Variants in TNFAIP8L3 observed in about 807,000 individuals in gnomAD.
TNFAIP8L3 encodes TNF alpha induced protein 8 like 3.
Under a neutral mutation model 11.8 loss-of-function variants are expected in TNFAIP8L3, and 7 were observed. That is an observed-to-expected ratio of 0.59 (90% CI 0.34 to 1.11). TNFAIP8L3 has a LOEUF of 1.11. Ranked by LOEUF, TNFAIP8L3 falls within the 50% of genes most tolerant of loss-of-function variation. The pLI is 0.03. For synonymous variants in TNFAIP8L3, 98 were observed against 103.8 expected, an observed-to-expected ratio of 0.94 and a Z score of 0.34; for missense variants, 219 against 258.6, an observed-to-expected ratio of 0.85 and a Z score of 1.05.
intron 1 of TNFAIP8L3, among the ~76,000 whole-genome samples, chr15:51,060,660 G>A (rs56367647): frequency 6.6e-6 from 1 of 152,328 alleles, no homozygotes; most frequent in Non-Finnish European, 1.5e-5. Flanking sequence ...TCGGCTGAGC[G>A]AAGGGAGTGC....
chr15:51,094,815 G>C lies in TNFAIP8L3; in HGVS notation c.-220C>G, dbSNP rs1595620898. 3.3e-6 allele frequency: 2 copies of C among 604,338 alleles called. No individual in the cohort carries two copies. Among genetic ancestry groups the C allele is most frequent in the Non-Finnish European group, 4.1e-6 (2 of 483,770 alleles). 37.4% of individuals were successfully genotyped at this position (604,338 alleles called of 1,614,324 possible). ...CGCCCGCCGGCCGGTGCCTGCGCGC[G>C]AGGCGAGCGCAGGGCGGAGGGTGGG... On this transcript the variant is annotated 5_prime_UTR_variant, in exon 1 of 2. Coordinates refer to ENST00000637513, the MANE Select transcript of TNFAIP8L3 (RefSeq NM_001311175.2). This position sits in a 1 kb window ranked among gnomAD's most constrained non-coding sequence, Gnocchi z 4.4.
At chr15:51,070,260 T>C (rs1445976533) in intron 1 of TNFAIP8L3, among the ~76,000 whole-genome samples, 1 of 152,214 alleles carries the variant, frequency 6.6e-6, no homozygotes, top group Non-Finnish European at 1.5e-5. Context: ...GAGATATTTT[T>C]GGCTCACTGC....
chr15:51,093,832 G>A (rs933757379), intron 1 of TNFAIP8L3, among the ~76,000 whole-genome samples: 1 of 152,160 alleles, frequency 6.6e-6, no homozygotes, highest in Non-Finnish European at 1.5e-5. Context: ...GGCGGGGGAG[G>A]ACATTCATTT....
chr15:51,062,957 A>AC (rs1223112228), intron 1 of TNFAIP8L3, among the ~76,000 whole-genome samples: 1 of 152,130 alleles, frequency 6.6e-6, no homozygotes. Flanking sequence ...GTGATGATGA[A>AC]AACAGAGGTT....
In TNFAIP8L3 at chr15:51,056,903, T is replaced by A. The variant is rs1006312205; in HGVS notation, c.*978A>T. 6 of 150,462 alleles carry A rather than the reference T, an allele frequency of 4.0e-5. No homozygotes were observed. The highest frequency in any genetic ancestry group is 6.6e-5 in the Admixed American group (1 of 15,154). The allele number at this position is 150,462 out of a possible 1,614,324, so 9.3% of individuals were successfully genotyped here. On this transcript the variant is annotated 3_prime_UTR_variant, in exon 2 of 2. Transcript: ENST00000637513. ...TCAAAAACACCTCTTTTTAAAAAAA[T>A]TATTATTATTATTATTATTTTTTAG...
intron 1 of TNFAIP8L3, among the ~76,000 whole-genome samples, chr15:51,060,246 T>A (rs1216004783): frequency 1.3e-5 from 2 of 152,248 alleles, no homozygotes; most frequent in Non-Finnish European, 2.9e-5. Context: ...ATCAAAGTTG[T>A]TCTCCAAAAG....
At chr15:51,101,966 A>G (rs985164267) in intron 1 of TNFAIP8L3, among the ~76,000 whole-genome samples, 1 of 149,228 alleles carries the variant, frequency 6.7e-6, no homozygotes, top group African/African-American at 2.5e-5. Context: ...AAAAAAAAAG[A>G]AAAGAAAAAG....
At chr15:51,081,069 T>A (rs2065388389) in intron 1 of TNFAIP8L3, among the ~76,000 whole-genome samples, 1 of 152,356 alleles carries the variant, frequency 6.6e-6, no homozygotes. Flanking sequence ...AGATTTTTGC[T>A]TCGTGACTTA....
chr15:51,103,821 G>A (rs2065570562), intron 1 of TNFAIP8L3, among the ~76,000 whole-genome samples: 1 of 152,214 alleles, frequency 6.6e-6, no homozygotes, highest in African/African-American at 2.4e-5. Flanking sequence ...AAATTCGTAA[G>A]TCCAAGGATC....
intron 1 of TNFAIP8L3, among the ~76,000 whole-genome samples, chr15:51,093,006 T>A (rs1369107464): frequency 6.6e-6 from 1 of 152,188 alleles, no homozygotes; most frequent in Non-Finnish European, 1.5e-5. Context: ...AGGGTCAATG[T>A]CCCCTTCCCG....
rs143724237 is a variant in TNFAIP8L3 at position 51,077,474 on chromosome 15, G to T, written c.52+17070C>A. Reference sequence around the variant, plus strand: ...CTCCCTAAGCCAAGCACGCCCTGCTGCCCACCCCGCTCCCATCTTATGCAA... The same window carrying T: ...CTCCCTAAGCCAAGCACGCCCTGCTTCCCACCCCGCTCCCATCTTATGCAA... On this transcript the variant is annotated intron_variant, in intron 1 of 1. Coordinates refer to ENST00000637513, the MANE Select transcript of TNFAIP8L3 (RefSeq NM_001311175.2). Among the ~76,000 whole-genome samples, 371 of 152,296 alleles carry T rather than the reference G, an allele frequency of 2.4e-3. 1 individual carries two copies. The highest frequency in any genetic ancestry group is 8.6e-3 in the African/African-American group (358 of 41,554).
intron 1 of TNFAIP8L3, among the ~76,000 whole-genome samples, chr15:51,101,554 G>C (rs1187977403): frequency 1.3e-5 from 2 of 151,812 alleles, no homozygotes; most frequent in African/African-American, 4.8e-5. Context: ...CCGGGAGGTT[G>C]AGGTTGCAGT....
intron 1 of TNFAIP8L3, among the ~76,000 whole-genome samples, chr15:51,064,347 G>C (rs2065257203): frequency 1.3e-5 from 2 of 152,134 alleles, no homozygotes; most frequent in African/African-American, 4.8e-5. Context: ...ATATATCATG[G>C]TTTGCTTTTG....
At chr15:51,083,903 G>A (rs78152882) in intron 1 of TNFAIP8L3, among the ~76,000 whole-genome samples, 4,260 of 152,342 alleles carry the variant, frequency 0.028, 70 homozygotes, top group Non-Finnish European at 0.038. Flanking sequence ...GGGAGAGGAC[G>A]GAGGGGCCTG....
chr15:51,082,825 T>C (rs1206220402), intron 1 of TNFAIP8L3, among the ~76,000 whole-genome samples: 1 of 152,164 alleles, frequency 6.6e-6, no homozygotes, highest in Non-Finnish European at 1.5e-5. Flanking sequence ...CGTCAAAACA[T>C]CATCAGGTGC....
At chr15:51,063,209 T>TAAA (rs1432094598) in intron 1 of TNFAIP8L3, among the ~76,000 whole-genome samples, 1 of 152,254 alleles carries the variant, frequency 6.6e-6, no homozygotes, top group East Asian at 1.9e-4. Flanking sequence ...GGTAATTTGT[T>TAAA]ACAGCAGCAA....
upstream of TNFAIP8L3, among the ~76,000 whole-genome samples, chr15:51,099,864 T>A (rs1397389390): frequency 6.6e-6 from 1 of 152,192 alleles, no homozygotes; most frequent in Non-Finnish European, 1.5e-5. Flanking sequence ...TTCAGGATGA[T>A]AGGAAAGTAC....
At chr15:51,087,065 T>A (rs2065433806) in intron 1 of TNFAIP8L3, among the ~76,000 whole-genome samples, 1 of 152,098 alleles carries the variant, frequency 6.6e-6, no homozygotes, top group Non-Finnish European at 1.5e-5. Context: ...ATTTTTGTAT[T>A]TTTAGTAGAG....
chr15:51,079,855 C>CAAAAAAAAAAAAAAAAAAAAAAAA (rs10602536), intron 1 of TNFAIP8L3, among the ~76,000 whole-genome samples: 1 of 77,624 alleles, frequency 1.3e-5, no homozygotes, highest in Non-Finnish European at 2.4e-5. Flanking sequence ...GACTTTGTCT[C>CAAAAAAAAAAAAAAAAAAAAAAAA]AAAAAAAAAA....
Sources: allele counts gnomAD v4.1 joint callset (sites outside exome capture counted in the v4.1 genomes callset), GRCh38; gene constraint gnomAD v4.1.1; non-coding constraint Gnocchi (gnomAD v3.1); transcripts MANE v1.5; gene names NCBI Gene and HGNC (gene_info 2026-07-23, HGNC 2026-07-21).